Variants in EMC1 observed in about 807,000 individuals in gnomAD.
EMC1 encodes KIAA0090.
EMC1 carries 103 observed loss-of-function variants against 128.8 expected under a neutral mutation model. That is an observed-to-expected ratio of 0.80 (90% CI 0.68 to 0.94). The LOEUF is 0.94. EMC1 is among the 40% of genes least tolerant of loss of function. EMC1 has a pLI of 0.00. For synonymous variants in EMC1, 442 were observed against 490.4 expected, an observed-to-expected ratio of 0.90 and a Z score of 1.30; for missense variants, 1,083 against 1,250.6, an observed-to-expected ratio of 0.87 and a Z score of 2.02.
rs146431577 is a variant in EMC1 at position 19,238,027 on chromosome 1, C to T, written c.1202G>A (p.Arg401Gln). 5.2e-4 allele frequency: 840 copies of T among 1,613,706 alleles called. 16 individuals are homozygous for T. In the South Asian group the frequency reaches 7.1e-3, roughly 14 times the overall value. Reference sequence around the variant, plus strand: ...AAGGCTCTGCCTTACCCGCTCAGGCCGAGTGCCGCTCTGTTCCAGGCTAAA... The same window carrying T: ...AAGGCTCTGCCTTACCCGCTCAGGCTGAGTGCCGCTCTGTTCCAGGCTAAA... Reference protein sequence around the residue: ...ITFSLEQSGTRPERLYIQVFL... With the variant: ...ITFSLEQSGTQPERLYIQVFL... The change falls in exon 11 of 23, where the codon CGG becomes CAG. Residue 401 changes from arginine (R) to glutamine (Q), a missense_variant. Physicochemically the swap from Arg to Gln is conservative, Grantham distance 43. Transcript: ENST00000477853.
intron 11 of EMC1, among the ~76,000 whole-genome samples, chr1:19,237,469 C>T (rs1041868967): frequency 3.3e-5 from 5 of 152,146 alleles, no homozygotes; most frequent in Non-Finnish European, 7.4e-5. Context: ...CTGAGTACTC[C>T]ACGGGTACCA....
rs1415998244 is a variant in EMC1, at chr1:19,233,083, C to A, written c.1485G>T (p.Leu495=). ...LKRLSSQLIL[L]QAWTSHLWKM... ...TCCAGAGGTGGGAAGTCCATGCTTG[C>A]AGCAGGATAAGCTGAGACGAGAGGC... Residue 495 remains leucine, a synonymous_variant, in exon 14 of 23, where the codon CTG becomes CTT. Coordinates refer to ENST00000477853, the MANE Select transcript of EMC1 (RefSeq NM_015047.3). 8 of 1,614,198 alleles carry A rather than the reference C, an allele frequency of 5.0e-6. No individual in the cohort carries two copies. Among genetic ancestry groups the A allele is most frequent in the Middle Eastern group, 1.7e-4 (1 of 6,060 alleles).
At position 19,238,797 on chromosome 1, in the gene EMC1, T is replaced by C; in HGVS notation, c.1087A>G (p.Lys363Glu). 1 of 1,608,068 alleles carries C rather than the reference T, an allele frequency of 6.2e-7. No homozygotes were observed. Among genetic ancestry groups the C allele is most frequent in the Non-Finnish European group, 8.5e-7 (1 of 1,174,620 alleles). ...MGSFSEKSSS[K>E]DSLACFNQTY... Reference sequence around the variant, plus strand: ...TACTGCCCAGTGCCACACCATACCTTTGAACTAGACTTCTCCGAAAAGCTC... The same window carrying C: ...TACTGCCCAGTGCCACACCATACCTCTGAACTAGACTTCTCCGAAAAGCTC... The change falls in exon 10 of 23, where the codon AAG (lysine) becomes GAG (glutamate). Residue 363 changes from lysine to glutamate, a missense_variant and splice_region_variant. By Grantham distance (56) the Lys-to-Glu change is moderately conservative (BLOSUM62 1). This residue lies in a region of EMC1 where 544 missense variants were observed against 572.4 expected (regional missense o/e 0.95). Coordinates refer to ENST00000477853, the MANE Select transcript of EMC1 (RefSeq NM_015047.3).
chr1:19,239,893 C>T lies in EMC1; in HGVS notation c.879G>A (p.Leu293=), dbSNP rs1272922463. The change falls in exon 8 of 23, where the codon CTG becomes CTA. Residue 293 remains leucine (L), a synonymous_variant. Transcript: ENST00000477853. Reference sequence around the variant, plus strand: ...GAGCATAGTGGCTTGGGGACAAGTGCAGGAAGAACTGGGCCCGGGAAGCGT... The same window carrying T: ...GAGCATAGTGGCTTGGGGACAAGTGTAGGAAGAACTGGGCCCGGGAAGCGT... ...PVDASRAQFF[L]HLSPSHYALL... is the part of the protein sequence containing the mutation. The T allele has an allele frequency of 6.2e-7, 1 of 1,614,094 alleles. No homozygotes were observed. The highest frequency in any genetic ancestry group is 1.7e-5 in the Admixed American group (1 of 60,010).
rs2093423982 is a variant in EMC1 at position 19,220,583 on chromosome 1, T to TGTATGTATGAAATGA, written c.2672+180_2672+181insTCATTTCATACATAC. The stretch of plus-strand genomic sequence containing the variant: ...TTACTTGTTTATCTTATGTATTTAT[T>TGTATGTATGAAATGA]GTCCATTTCCCAGCAGACTGTAAGC... On this transcript the variant is annotated intron_variant, in intron 21 of 22. Coordinates refer to ENST00000477853, the MANE Select transcript of EMC1 (RefSeq NM_015047.3). The TGTATGTATGAAATGA allele has an allele frequency of 6.3e-6, 3 of 478,878 alleles. No individual in the cohort carries two copies. In the Admixed American group the frequency reaches 1.1e-4, roughly 18 times the overall value. The allele number at this position is 478,878 out of a possible 1,614,324, so 29.7% of individuals were successfully genotyped here.
intron 13 of EMC1, among the ~76,000 whole-genome samples, chr1:19,234,862 A>C (rs1296474547): frequency 6.6e-6 from 1 of 152,118 alleles, no homozygotes; most frequent in African/African-American, 2.4e-5. Context: ...AAGAAAAAAA[A>C]AAAGACTTTT....
chr1:19,243,104 ACATGCCTATAATCC>A (rs2093615723), intron 4 of EMC1, among the ~76,000 whole-genome samples: 1 of 152,104 alleles, frequency 6.6e-6, no homozygotes, highest in Non-Finnish European at 1.5e-5. Flanking sequence ...GGCGTGGTTC[ACATGCCTATAATCC>A]CAGCTACTGG....
intron 18 of EMC1, among the ~76,000 whole-genome samples, chr1:19,224,903 C>G (rs184961125): frequency 6.6e-6 from 1 of 152,254 alleles, no homozygotes; most frequent in East Asian, 1.9e-4. Context: ...TTTGACTTTT[C>G]TCTCTGGAAG....
intron 5 of EMC1, among the ~76,000 whole-genome samples, chr1:19,242,030 AGAACTAGAACTT>A (rs905507210): frequency 3.3e-5 from 5 of 152,208 alleles, no homozygotes; most frequent in African/African-American, 1.2e-4. Flanking sequence ...AACTAGAACT[AGAACTAGAACTT>A]GAACTAGAAG....
At position 19,235,182 on chromosome 1, in the gene EMC1, G is replaced by C; in HGVS notation, c.1380C>G (p.Leu460=). ...AEVVCLEMVD[L]PLTGAQAELE... Reference sequence around the variant, plus strand: ...GCTCGGCCTGTGCCCCAGTCAGGGGGAGGTCCACCATCTCTAGGCACACCA... The same window carrying C: ...GCTCGGCCTGTGCCCCAGTCAGGGGCAGGTCCACCATCTCTAGGCACACCA... The change falls in exon 13 of 23, where the codon CTC becomes CTG. Residue 460 remains leucine, a synonymous_variant. Transcript: ENST00000477853. The C allele has an allele frequency of 1.2e-6, 2 of 1,614,062 alleles. No individual in the cohort carries two copies. Among genetic ancestry groups the C allele is most frequent in the Non-Finnish European group, 8.5e-7 (1 of 1,179,978 alleles).
In EMC1 at chr1:19,218,003, C is replaced by A. The variant is rs2093405740; in HGVS notation, c.*1300G>T. ...TCCTTACTAAAATAAAATACACTTACTCCATGTCTTCACTGCTTTTATCCC... is the reference window on the plus strand; with the variant it reads ...TCCTTACTAAAATAAAATACACTTAATCCATGTCTTCACTGCTTTTATCCC... On this transcript the variant is annotated 3_prime_UTR_variant, in exon 23 of 23. Coordinates refer to ENST00000477853, the MANE Select transcript of EMC1 (RefSeq NM_015047.3). 6.6e-6 allele frequency: 1 copy of A among 152,214 alleles called. No homozygotes were observed. The highest frequency in any genetic ancestry group is 2.4e-5 in the African/African-American group (1 of 41,450). 9.4% of individuals were successfully genotyped at this position (152,214 alleles called of 1,614,324 possible).
intron 6 of EMC1, chr1:19,240,807 T>C: frequency 1.6e-6 from 1 of 608,098 alleles, no homozygotes; most frequent in Non-Finnish European, 2.9e-6. Context: ...ATCTATGTAA[T>C]TTTTTAGCCA....
In EMC1 at chr1:19,242,478, A is replaced by G. The variant is rs710865; in HGVS notation, c.381-5T>C. Reference sequence around the variant, plus strand: ...ACCAGCCCAAGTGCCTGGAAACTGAACACAAGTACAGGTTGAGAGCAGCCC... The same window carrying G: ...ACCAGCCCAAGTGCCTGGAAACTGAGCACAAGTACAGGTTGAGAGCAGCCC... On this transcript the variant is annotated splice_region_variant and splice_polypyrimidine_tract_variant and intron_variant, in intron 4 of 22. Transcript: ENST00000477853. The G allele has an allele frequency of 0.41, 668,829 of 1,613,528 alleles. 147,379 individuals carry two copies. The highest frequency in any genetic ancestry group is 0.75 in the East Asian group (33,459 of 44,866).
chr1:19,219,450 A>G lies in EMC1; in HGVS notation c.2835T>C (p.Thr945=). The change falls in exon 23 of 23, where the codon ACT becomes ACC. Residue 945 remains threonine, a synonymous_variant. Coordinates refer to ENST00000477853, the MANE Select transcript of EMC1 (RefSeq NM_015047.3). ...CAAACTGCTTGGATGGGTAGACTCG[A>G]GTTTGGTAAATGTCCAAACCATAGG... ...VVAYGLDIYQ[T]RVYPSKQFDV... is the part of the protein sequence containing the mutation. 6.2e-7 allele frequency: 1 copy of G among 1,614,004 alleles called. No homozygotes were observed. Among genetic ancestry groups the G allele is most frequent in the Non-Finnish European group, 8.5e-7 (1 of 1,180,018 alleles).
intron 1 of EMC1, among the ~76,000 whole-genome samples, chr1:19,247,789 C>T (rs774454212): frequency 4.6e-5 from 7 of 152,132 alleles, no homozygotes; most frequent in South Asian, 2.1e-4. Context: ...CTTTGGGAGG[C>T]GGAGGCGAGC....
chr1:19,250,666 G>T (rs1291751000), intron 1 of EMC1, among the ~76,000 whole-genome samples: 1 of 152,186 alleles, frequency 6.6e-6, no homozygotes, highest in African/African-American at 2.4e-5. Flanking sequence ...AATGAGCCAG[G>T]CATTGTGCTA....
chr1:19,223,742 G>A (rs1387699533), intron 18 of EMC1, among the ~76,000 whole-genome samples, 173 bp from the exon 19 acceptor site: 1 of 152,122 alleles, frequency 6.6e-6, no homozygotes, highest in Non-Finnish European at 1.5e-5. Context: ...ATGTGCATTG[G>A]GTACTGGGTG....
chr1:19,243,876 T>C (rs965829890), intron 3 of EMC1, 74 bp downstream of exon 3: 75 of 1,543,178 alleles, frequency 4.9e-5, no homozygotes, highest in Non-Finnish European at 6.5e-5. Context: ...TACCAGACCC[T>C]GTACAGATCA....
At chr1:19,238,930 T>C in intron 9 of EMC1, 73 bp from the exon 10 acceptor site, 1 of 1,111,054 alleles carries the variant, frequency 9.0e-7, no homozygotes, top group South Asian at 1.3e-5. Flanking sequence ...GAAGCTTTTG[T>C]TTTTGTCTTC....
Sources: gnomAD v4.1 joint callset for allele counts (sites outside exome capture counted in the v4.1 genomes callset) on GRCh38, gnomAD v4.1.1 for gene constraint, gnomAD v4.1.1 regional missense constraint, MANE v1.5 for transcripts, NCBI Gene and HGNC (gene_info 2026-07-23, HGNC 2026-07-21) for gene names.